DEFB121: variants seen among roughly 807,000 people sequenced by gnomAD.
The protein encoded by DEFB121 is beta-defensin 121.
Under a neutral mutation model 2.5 loss-of-function variants are expected in DEFB121, and 5 were observed. The observed-to-expected ratio is 1.96, with a 90% CI of 1.03 to 4.13. DEFB121 has a LOEUF of 4.13. Ranked by LOEUF, DEFB121 falls within the 30% of genes most tolerant of loss-of-function variation. The pLI is 0.00. For missense variants in DEFB121, 87 were observed against 85.0 expected (o/e 1.02, Z -0.09); for synonymous variants, 39 against 32.6 (o/e 1.20, Z -0.67).
chr20:31,412,199 A>C (rs1450543950), intron 1 of DEFB121, among the ~76,000 whole-genome samples: 1 of 152,236 alleles, frequency 6.6e-6, no homozygotes, highest in Non-Finnish European at 1.5e-5. Flanking sequence ...TTCAGGCCCA[A>C]ATAAGGCTTG....
chr20:31,412,654 A>T (rs1320734395), exon 1 of DEFB121: 1 of 1,290,814 alleles, frequency 7.7e-7, no homozygotes, highest in Non-Finnish European at 1.0e-6. Context: ...TTGGCTATTG[A>T]CCTCTTTCCT....
upstream of DEFB121, among the ~76,000 whole-genome samples, chr20:31,407,474 C>T (rs1191559364): frequency 6.6e-6 from 1 of 152,102 alleles, no homozygotes; most frequent in East Asian, 1.9e-4. Flanking sequence ...TTTCATTTGC[C>T]CTTCTGTGTC....
chr20:31,417,693 T>TG (rs2122369883), upstream of DEFB121, among the ~76,000 whole-genome samples: 1 of 152,280 alleles, frequency 6.6e-6, no homozygotes, highest in South Asian at 2.1e-4. Context: ...TTGGGCACAG[T>TG]GGCTCACATC....
At chr20:31,415,281 G>A (rs1025001557), upstream of DEFB121, among the ~76,000 whole-genome samples, 2 of 147,402 alleles carry the variant, frequency 1.4e-5, no homozygotes, top group African/African-American at 2.5e-5. Context: ...ACAGAGTCTC[G>A]CTCTATCCCC....
upstream of DEFB121, among the ~76,000 whole-genome samples, chr20:31,411,147 C>G (rs193217153): frequency 6.6e-6 from 1 of 152,160 alleles, no homozygotes; most frequent in Non-Finnish European, 1.5e-5. Flanking sequence ...ATAAAAGACC[C>G]TTTTCCTATC....
upstream of DEFB121, among the ~76,000 whole-genome samples, chr20:31,409,171 G>T (rs1330929243): frequency 6.6e-6 from 1 of 152,010 alleles, no homozygotes; most frequent in African/African-American, 2.4e-5. Context: ...GATTTTCTTG[G>T]TATCTCCACT....
chr20:31,408,352 T>TGA (rs1254569093), upstream of DEFB121, among the ~76,000 whole-genome samples: 1 of 152,102 alleles, frequency 6.6e-6, no homozygotes, highest in Non-Finnish European at 1.5e-5. Context: ...CTAGGGAGGC[T>TGA]GAGGCAGGAA....
chr20:31,411,097 T>A (rs1342152516), upstream of DEFB121, among the ~76,000 whole-genome samples: 2 of 152,226 alleles, frequency 1.3e-5, no homozygotes, highest in African/African-American at 2.4e-5. Flanking sequence ...GCATGATTTA[T>A]CGGAATTAAT....
chr20:31,407,884 T>G (rs1015605272), upstream of DEFB121, among the ~76,000 whole-genome samples: 5 of 152,144 alleles, frequency 3.3e-5, no homozygotes, highest in Admixed American at 6.5e-5. Context: ...TTCAAGCAGT[T>G]CTCCTGCCTT....
chr20:31,418,259 CAAAA>C, the DEFB121 span, among the ~76,000 whole-genome samples: 9,300 of 81,806 alleles, frequency 0.11, 123 homozygotes, highest in Middle Eastern at 0.16. Flanking sequence ...GACTCCGTCT[CAAAA>C]AAAAAAAAAA....
the DEFB121 span, among the ~76,000 whole-genome samples, chr20:31,418,031 C>A: frequency 6.6e-6 from 1 of 150,562 alleles, no homozygotes; most frequent in Non-Finnish European, 1.5e-5. Context: ...GAGGCCGAGG[C>A]GGGCGGATCA....
At chr20:31,411,739 G>A (rs1015458045) in intron 1 of DEFB121, among the ~76,000 whole-genome samples, 1 of 152,228 alleles carries the variant, frequency 6.6e-6, no homozygotes, top group African/African-American at 2.4e-5. Context: ...ACGGTGCTGT[G>A]AAGTGTCCAG....
chr20:31,406,264 A>G (rs568750645), upstream of DEFB121: 10 of 1,498,314 alleles, frequency 6.7e-6, no homozygotes, highest in East Asian at 2.2e-4. Flanking sequence ...AGCATGGCAG[A>G]GCCAAGATCA....
chr20:31,413,344 T>C (rs1256185520), upstream of DEFB121, among the ~76,000 whole-genome samples: 2 of 152,248 alleles, frequency 1.3e-5, no homozygotes, highest in Non-Finnish European at 2.9e-5. Flanking sequence ...CTTGATTAAG[T>C]ACCTTTTACA....
intron 1 of DEFB121, among the ~76,000 whole-genome samples, chr20:31,412,247 G>A (rs1275674677): frequency 6.6e-6 from 1 of 152,170 alleles, no homozygotes. Flanking sequence ...CAACTCTCTG[G>A]TTCCTGGTGC....
upstream of DEFB121, chr20:31,406,291 A>G (rs1411164128): frequency 3.5e-6 from 5 of 1,445,376 alleles, no homozygotes; most frequent in Non-Finnish European, 4.6e-6. Flanking sequence ...CAGAACGGGA[A>G]CAGTCATTTG....
chr20:31,405,385 A>G (rs939559334), intron 1 of DEFB121, among the ~76,000 whole-genome samples: 2 of 151,936 alleles, frequency 1.3e-5, no homozygotes, highest in African/African-American at 4.8e-5. Flanking sequence ...CCCTCTCCCA[A>G]GGGTTTTATC....
chr20:31,417,628 C>T (rs6087468), upstream of DEFB121, among the ~76,000 whole-genome samples: 66,090 of 151,896 alleles, frequency 0.44, 16,874 homozygotes, highest in East Asian at 0.74. Flanking sequence ...CAGGGCCCAC[C>T]GAGTGCTCAG....
chr20:31,411,693 G>A (rs930727130), intron 1 of DEFB121, among the ~76,000 whole-genome samples: 4 of 152,202 alleles, frequency 2.6e-5, no homozygotes, highest in Admixed American at 2.0e-4. Flanking sequence ...AAAGGTAGGA[G>A]GCACTCAGTA....
Sources: gnomAD v4.1 joint callset for allele counts (sites outside exome capture counted in the v4.1 genomes callset) on GRCh38, gnomAD v4.1.1 for gene constraint, MANE v1.5 for transcripts, NCBI Gene and HGNC (gene_info 2026-07-23, HGNC 2026-07-21) for gene names.